ADRA1A: variants seen among roughly 807,000 people sequenced by gnomAD.
The protein encoded by ADRA1A is alpha-1A adrenergic receptor.
Under a neutral mutation model 29.6 loss-of-function variants are expected in ADRA1A, and 31 were observed. The observed-to-expected ratio is 1.05, with a 90% CI of 0.79 to 1.41. ADRA1A has a LOEUF of 1.41. Ranked by LOEUF, ADRA1A falls within the 40% of genes most tolerant of loss-of-function variation. The pLI is 0.00. For synonymous variants in ADRA1A, 311 were observed against 254.3 expected (o/e 1.22, Z -2.12); for missense variants, 619 against 601.1 (o/e 1.03, Z -0.31).
intron 2 of ADRA1A, among the ~76,000 whole-genome samples, chr8:26,781,972 T>C (rs187890793): frequency 1.3e-5 from 2 of 152,374 alleles, no homozygotes; most frequent in East Asian, 3.9e-4. Flanking sequence ...AATGGGTTTT[T>C]GCTTCCGGAC....
Position 26,865,372 on chromosome 8 carries a change from G to T in ADRA1A, c.-403C>A, listed in dbSNP as rs1248912683. 7.7e-6 allele frequency: 8 copies of T among 1,038,254 alleles called. No homozygotes were observed. In the South Asian group the frequency reaches 3.0e-4, roughly 39 times the overall value. 64.3% of individuals were successfully genotyped at this position (1,038,254 alleles called of 1,614,324 possible). A position where few individuals can be genotyped will look rare whatever the true frequency, so the allele number is the denominator to read the frequency against. On this transcript the variant is annotated 5_prime_UTR_variant, in exon 2 of 3. Transcript: ENST00000380573. This position sits in a 1 kb window ranked among gnomAD's most constrained non-coding sequence, Gnocchi z 7.6. ...GCTGTCTTATTCGTCCTGGCTGGGGGAAGATTCAGCATTCTGCACATGATT... is the reference window on the plus strand; with the variant it reads ...GCTGTCTTATTCGTCCTGGCTGGGGTAAGATTCAGCATTCTGCACATGATT...
chr8:26,824,488 C>T lies in ADRA1A; in HGVS notation c.883+39599G>A, dbSNP rs575530997. Reference sequence around the variant, plus strand: ...TTGTGAGGATCGAACAAGGTAATGCCTGTCACACAGCTGACCAAAATTTAA... The same window carrying T: ...TTGTGAGGATCGAACAAGGTAATGCTTGTCACACAGCTGACCAAAATTTAA... On this transcript the variant is annotated intron_variant, in intron 2 of 2. Transcript: ENST00000380573. Among the ~76,000 whole-genome samples the T allele has an allele frequency of 2.6e-5, 4 of 152,212 alleles. No homozygotes were observed. The South Asian group carries it at 6.2e-4, about 24-fold the overall frequency.
At chr8:26,758,607 T>C (rs1055807101) in intron 2 of ADRA1A, among the ~76,000 whole-genome samples, 3 of 152,198 alleles carry the variant, frequency 2.0e-5, no homozygotes, top group Non-Finnish European at 4.4e-5. Context: ...GCCACTTAAA[T>C]AGGTACAGAG....
chr8:26,847,066 T>C (rs1295267406), intron 2 of ADRA1A, among the ~76,000 whole-genome samples: 1 of 151,766 alleles, frequency 6.6e-6, no homozygotes, highest in Non-Finnish European at 1.5e-5. Flanking sequence ...CTGGGGACTG[T>C]CGTGGGGTGG....
chr8:26,772,785 A>G (rs1233927386), intron 2 of ADRA1A, among the ~76,000 whole-genome samples: 4 of 152,150 alleles, frequency 2.6e-5, no homozygotes, highest in Non-Finnish European at 5.9e-5. Context: ...AAGAAGACAC[A>G]ATAGTGTGGT....
At chr8:26,858,306 A>C (rs1813193220) in intron 2 of ADRA1A, among the ~76,000 whole-genome samples, 1 of 152,228 alleles carries the variant, frequency 6.6e-6, no homozygotes. Flanking sequence ...CTATGTTTTC[A>C]GTGATTGTTG....
chr8:26,760,820 C>G (rs1805468311), intron 2 of ADRA1A, among the ~76,000 whole-genome samples: 1 of 152,220 alleles, frequency 6.6e-6, no homozygotes, highest in Non-Finnish European at 1.5e-5. Flanking sequence ...CACTGCTGAC[C>G]TGGGGTTCCC....
chr8:26,819,574 A>G (rs1194402760), intron 2 of ADRA1A, among the ~76,000 whole-genome samples: 1 of 152,158 alleles, frequency 6.6e-6, no homozygotes, highest in Non-Finnish European at 1.5e-5. Context: ...CAACTATAAG[A>G]TGTTTGATGT....
rs1768624504 is a variant in ADRA1A at position 26,864,250 on chromosome 8, G to A, written c.720C>T (p.Asn240=). The A allele has an allele frequency of 6.2e-7, 1 of 1,614,192 alleles. No individual in the cohort carries two copies. The highest frequency in any genetic ancestry group is 8.5e-7 in the Non-Finnish European group (1 of 1,180,040). ...CCATCCCGCTGCCTCCTGCCGGGGCGTTTTTCCGATGGATGCGGAGCGTCA... is the reference window on the plus strand; with the variant it reads ...CCATCCCGCTGCCTCCTGCCGGGGCATTTTTCCGATGGATGCGGAGCGTCA... ...EQVTLRIHRK[N]APAGGSGMAS... Residue 240 remains asparagine, a synonymous_variant, in exon 2 of 3, where the codon AAC becomes AAT. Coordinates refer to ENST00000380573, the MANE Select transcript of ADRA1A (RefSeq NM_000680.4). The surrounding 1 kb of genome is among the most constrained non-coding windows in gnomAD (Gnocchi z 8.1).
At chr8:26,819,459 A>G (rs1353227028) in intron 2 of ADRA1A, among the ~76,000 whole-genome samples, 1 of 152,216 alleles carries the variant, frequency 6.6e-6, no homozygotes, top group East Asian at 1.9e-4. Flanking sequence ...AAAGATGTAA[A>G]TTGTGATATC....
rs997020281 is a variant in ADRA1A at position 26,823,290 on chromosome 8, G to T, written c.883+40797C>A. Among the ~76,000 whole-genome samples, 1 of 152,026 alleles carries T rather than the reference G, an allele frequency of 6.6e-6. No homozygotes were observed. Among genetic ancestry groups the T allele is most frequent in the Non-Finnish European group, 1.5e-5 (1 of 68,016 alleles). On this transcript the variant is annotated intron_variant, in intron 2 of 2. Coordinates refer to ENST00000380573, the MANE Select transcript of ADRA1A (RefSeq NM_000680.4). This position sits in a 1 kb window ranked among gnomAD's most constrained non-coding sequence, Gnocchi z 4.2. ...TAGTGTCTGCCTTCCACACTGTCAC[G>T]TGCTGGGGGCTGGGCATGGGCGGTG...
At chr8:26,755,860 C>T (rs1805139603), downstream of ADRA1A, among the ~76,000 whole-genome samples, 1 of 152,204 alleles carries the variant, frequency 6.6e-6, no homozygotes, top group Non-Finnish European at 1.5e-5. Flanking sequence ...AAGAGCAGCT[C>T]TCTTTGAACG....
chr8:26,841,933 C>T lies in ADRA1A; in HGVS notation c.883+22154G>A, dbSNP rs1435734934. ...TGGTGAGTCTCCCACTTTTCCAAAA[C>T]GTTGTGCAAGTTCTGCTTGTTTTTT... is the stretch of plus-strand genomic sequence containing the variant. On this transcript the variant is annotated intron_variant, in intron 2 of 2. Coordinates refer to ENST00000380573, the MANE Select transcript of ADRA1A (RefSeq NM_000680.4). The surrounding 1 kb of genome is among the most constrained non-coding windows in gnomAD (Gnocchi z 4.4). 1.3e-5 allele frequency among the ~76,000 whole-genome samples: 2 copies of T among 152,136 alleles called. No homozygotes were observed. Among genetic ancestry groups the T allele is most frequent in the Admixed American group, 6.5e-5 (1 of 15,270 alleles).
chr8:26,856,371 T>G (rs999937438), intron 2 of ADRA1A, among the ~76,000 whole-genome samples: 11 of 152,368 alleles, frequency 7.2e-5, no homozygotes, highest in East Asian at 1.9e-4. Context: ...TCACTAAGCC[T>G]TTGATAATCT....
intron 2 of ADRA1A, among the ~76,000 whole-genome samples, chr8:26,809,693 A>G (rs1011894529): frequency 6.6e-6 from 1 of 152,246 alleles, no homozygotes; most frequent in Non-Finnish European, 1.5e-5. Context: ...TACCTCTACT[A>G]TACACTGAGC....
intron 2 of ADRA1A, among the ~76,000 whole-genome samples, chr8:26,776,606 G>A (rs1242502044): frequency 3.3e-5 from 5 of 152,158 alleles, no homozygotes; most frequent in South Asian, 2.1e-4. Flanking sequence ...TTTGTGTGCC[G>A]TTTAGCAACC....
At chr8:26,784,366 T>G (rs942602162) in intron 2 of ADRA1A, among the ~76,000 whole-genome samples, 2 of 152,166 alleles carry the variant, frequency 1.3e-5, no homozygotes, top group African/African-American at 4.8e-5. Context: ...TCCAATTAGG[T>G]GATTAATTCA....
downstream of ADRA1A, among the ~76,000 whole-genome samples, chr8:26,755,617 G>T (rs1312922203): frequency 4.6e-5 from 7 of 152,130 alleles, no homozygotes; most frequent in Admixed American, 4.6e-4. Flanking sequence ...CCACCCCATT[G>T]TGTCCTCCAG....
At chr8:26,764,986 G>C (rs1805697603), downstream of ADRA1A, among the ~76,000 whole-genome samples, 1 of 152,162 alleles carries the variant, frequency 6.6e-6, no homozygotes, top group African/African-American at 2.4e-5. Flanking sequence ...AAAAAGTAAA[G>C]TAATAACTCC....
Sources: gnomAD v4.1 joint callset for allele counts (sites outside exome capture counted in the v4.1 genomes callset) on GRCh38, gnomAD v4.1.1 for gene constraint, Gnocchi (gnomAD v3.1) non-coding constraint, MANE v1.5 for transcripts, NCBI Gene and HGNC (gene_info 2026-07-23, HGNC 2026-07-21) for gene names.